The following CUX1 variants were observed in gnomAD, a reference collection of about 807,000 sequenced individuals.
CUX1 encodes the protein protein CASP.
A neutral mutation model predicts 158.8 loss-of-function variants in CUX1; 31 were observed. The ratio of observed to expected loss-of-function variants is 0.20; its 90% CI spans 0.15 to 0.26. CUX1 has a LOEUF of 0.26. Ranked by LOEUF, CUX1 falls within the 10% of genes least tolerant of loss-of-function variation. The pLI, the probability that CUX1 is intolerant of heterozygous loss-of-function variation, is 1.00. For synonymous variants in CUX1, 879 were observed against 862.1 expected, an observed-to-expected ratio of 1.02 and a Z score of -0.34; for missense variants, 1,589 against 2,014.6, an observed-to-expected ratio of 0.79 and a Z score of 4.04.
chr7:101,957,243 T>C (rs1012433035), intron 2 of CUX1, among the ~76,000 whole-genome samples: 1 of 152,172 alleles, frequency 6.6e-6, no homozygotes, highest in Non-Finnish European at 1.5e-5. Context: ...GATGAATATA[T>C]AGACATACAG....
intron 1 of CUX1, among the ~76,000 whole-genome samples, chr7:101,859,518 C>T (rs1257366460): frequency 1.3e-5 from 2 of 152,196 alleles, no homozygotes; most frequent in Non-Finnish European, 2.9e-5. Flanking sequence ...TTCAGTGGAG[C>T]TGTAAGGTCA....
At chr7:102,165,200 T>C (rs1245786833) in intron 9 of CUX1, among the ~76,000 whole-genome samples, 1 of 152,034 alleles carries the variant, frequency 6.6e-6, no homozygotes, top group African/African-American at 2.4e-5. Flanking sequence ...AGGCCCTGTC[T>C]TTATCCTCTG....
At chr7:102,073,462 C>T (rs2130634786) in intron 4 of CUX1, among the ~76,000 whole-genome samples, 1 of 152,232 alleles carries the variant, frequency 6.6e-6, no homozygotes, top group Non-Finnish European at 1.5e-5. Flanking sequence ...CGTGAGCCAC[C>T]ATGCCCAGCC....
intron 12 of CUX1, among the ~76,000 whole-genome samples, chr7:102,192,157 C>T (rs1199105884): frequency 6.6e-6 from 1 of 152,206 alleles, no homozygotes; most frequent in African/African-American, 2.4e-5. Context: ...CCCATTTCCA[C>T]TTCCTCACCC....
rs189421129 is a variant in CUX1, at chr7:102,091,457, A to G, written c.269-5907A>G. ...GCAATCCTCCCACCTCAGCCTCCCT[A>G]GTAACTGGGACTACAGGTGTGTTCC... On this transcript the variant is annotated intron_variant, in intron 4 of 23. Transcript: ENST00000292535. Among the ~76,000 whole-genome samples the G allele has an allele frequency of 5.1e-3, 776 of 152,128 alleles. 7 individuals carry two copies. Among genetic ancestry groups the G allele is most frequent in the African/African-American group, 0.018 (745 of 41,498 alleles).
chr7:102,236,001 G>C (rs1799524921), intron 22 of CUX1, among the ~76,000 whole-genome samples: 1 of 152,104 alleles, frequency 6.6e-6, no homozygotes, highest in South Asian at 2.1e-4. Context: ...TCTGAGAACT[G>C]CCCTGTTTGC....
At chr7:101,827,047 C>T (rs1327354403) in intron 1 of CUX1, among the ~76,000 whole-genome samples, 2 of 152,084 alleles carry the variant, frequency 1.3e-5, no homozygotes, top group Admixed American at 1.3e-4. Flanking sequence ...CATTAATTAT[C>T]TTTCTGTGCA....
chr7:102,121,898 G>C (rs1236236425), intron 8 of CUX1, among the ~76,000 whole-genome samples: 3 of 152,092 alleles, frequency 2.0e-5, no homozygotes, highest in African/African-American at 7.2e-5. Flanking sequence ...GCAAAGGTGA[G>C]GGCTAGTCAG....
chr7:102,043,554 C>T (rs949174408), intron 3 of CUX1, among the ~76,000 whole-genome samples: 7 of 151,962 alleles, frequency 4.6e-5, no homozygotes, highest in African/African-American at 1.7e-4. Context: ...CGCAGGGGGT[C>T]CTAGCACCAA....
chr7:102,165,001 G>A (rs988549098), intron 9 of CUX1, among the ~76,000 whole-genome samples: 1 of 152,138 alleles, frequency 6.6e-6, no homozygotes, highest in Non-Finnish European at 1.5e-5. Flanking sequence ...GCAGGGTGGG[G>A]GAAGGAGTCT....
At position 102,252,894 on chromosome 7, in the gene CUX1, A is replaced by G. The variant is rs1801662787; in HGVS notation, c.*3852A>G. 2 of 985,328 alleles carry G rather than the reference A, an allele frequency of 2.0e-6. No individual in the cohort carries two copies. The highest frequency in any genetic ancestry group is 9.4e-5 in the South Asian group (2 of 21,288). 61.0% of individuals were successfully genotyped at this position (985,328 alleles called of 1,614,324 possible). On this transcript the variant is annotated 3_prime_UTR_variant, in exon 24 of 24. Coordinates refer to ENST00000292535, the MANE Select transcript of CUX1 (RefSeq NM_181552.4). The stretch of plus-strand genomic sequence containing the variant: ...CGATCTTAGGAGGCATCTTGGCATG[A>G]GGCAGCTTCTAAGCGTCTCCTGGGA...
intron 2 of CUX1, among the ~76,000 whole-genome samples, chr7:101,999,036 T>C (rs929353621): frequency 2.0e-5 from 3 of 151,876 alleles, no homozygotes; most frequent in Non-Finnish European, 4.4e-5. Context: ...CTGGCCTCCA[T>C]CGTGCCACCA....
intron 8 of CUX1, among the ~76,000 whole-genome samples, chr7:102,150,749 G>A (rs1835558548): frequency 6.6e-6 from 1 of 152,218 alleles, no homozygotes; most frequent in Admixed American, 6.5e-5. Flanking sequence ...TAAAAACTGT[G>A]TGTTAGCCCA....
At chr7:102,280,833 T>A (rs782307582) in exon 20 of CUX1, 1 of 1,612,762 alleles carries the variant, frequency 6.2e-7, no homozygotes, top group East Asian at 2.2e-5. Flanking sequence ...TGAGCTTGAG[T>A]CCCTGGGACA....
At chr7:102,097,646 C>G in intron 5 of CUX1, 145 bp downstream of exon 5, 1 of 832,596 alleles carries the variant, frequency 1.2e-6, no homozygotes, top group Non-Finnish European at 1.8e-6. Flanking sequence ...GAATCTGAGT[C>G]GTTAAAGAGA....
chr7:102,006,984 C>T (rs1207166576), intron 2 of CUX1, among the ~76,000 whole-genome samples: 1 of 152,158 alleles, frequency 6.6e-6, no homozygotes, highest in Non-Finnish European at 1.5e-5. Context: ...CGGGCCTCCT[C>T]CTCTGCTTGG....
intron 2 of CUX1, among the ~76,000 whole-genome samples, chr7:101,940,629 C>G (rs569646975): frequency 2.6e-5 from 4 of 151,810 alleles, no homozygotes; most frequent in Non-Finnish European, 5.9e-5. Flanking sequence ...CATTTAATTC[C>G]TTTGTCCTTT....
At position 102,199,927 on chromosome 7, in the gene CUX1, A is replaced by G. The variant is rs1586176934; in HGVS notation, c.1961-144A>G. 20 of 600,882 alleles carry G rather than the reference A, an allele frequency of 3.3e-5. No homozygotes were observed. In the East Asian group the frequency reaches 4.9e-4, roughly 15 times the overall value. 37.2% of individuals were successfully genotyped at this position (600,882 alleles called of 1,614,324 possible). On this transcript the variant is annotated intron_variant, in intron 16 of 23. Coordinates refer to ENST00000292535, the MANE Select transcript of CUX1 (RefSeq NM_181552.4). Reference sequence around the variant, plus strand: ...TCGCTGTGAAGTTGCACTCACAGCAAACACAGGCCACTGGGAGGCCACATC... The same window carrying G: ...TCGCTGTGAAGTTGCACTCACAGCAGACACAGGCCACTGGGAGGCCACATC...
chr7:102,003,022 C>T (rs1816882493), intron 2 of CUX1, among the ~76,000 whole-genome samples: 1 of 152,090 alleles, frequency 6.6e-6, no homozygotes, highest in African/African-American at 2.4e-5. Flanking sequence ...CTGCCTCTGC[C>T]TCCTGAGTAG....
Sources: gnomAD v4.1 joint callset for allele counts (sites outside exome capture counted in the v4.1 genomes callset) on GRCh38, gnomAD v4.1.1 for gene constraint, MANE v1.5 for transcripts, NCBI Gene and HGNC (gene_info 2026-07-23, HGNC 2026-07-21) for gene names.